Variants in LNX2 observed in about 807,000 individuals in gnomAD.
The protein encoded by LNX2 is ligand of numb-protein X 2, also known as ligand of Numb protein X 2.
Under a neutral mutation model 66.2 loss-of-function variants are expected in LNX2, and 35 were observed. The ratio of observed to expected loss-of-function variants is 0.53; its 90% CI spans 0.40 to 0.70. The LOEUF is 0.70. Ranked by LOEUF, LNX2 falls within the 30% of genes least tolerant of loss-of-function variation. The probability of loss-of-function intolerance (pLI) is 0.00; values close to 1 mark genes in which losing one functional copy is unlikely to be tolerated. For synonymous variants in LNX2, 337 were observed against 315.6 expected (o/e 1.07, Z -0.72); for missense variants, 791 against 850.8 (o/e 0.93, Z 0.87).
At chr13:27,613,410 T>C (rs1435994277) in intron 1 of LNX2, among the ~76,000 whole-genome samples, 1 of 152,050 alleles carries the variant, frequency 6.6e-6, no homozygotes, top group Non-Finnish European at 1.5e-5. Context: ...CTACAGGATA[T>C]GTAAGTTTTA....
chr13:27,579,155 TA>T (rs1955372812), intron 2 of LNX2, among the ~76,000 whole-genome samples: 1 of 152,210 alleles, frequency 6.6e-6, no homozygotes, highest in Admixed American at 6.5e-5. Context: ...ATTTGCTGAA[TA>T]AACAAATGAA....
intron 9 of LNX2, 124 bp from the exon 10 acceptor site, chr13:27,548,594 G>T: frequency 9.7e-7 from 1 of 1,032,788 alleles, no homozygotes; most frequent in Non-Finnish European, 1.4e-6. Context: ...TGGTTAGGGT[G>T]TATAATCTAC....
intron 1 of LNX2, among the ~76,000 whole-genome samples, chr13:27,613,390 G>A (rs571754013): frequency 3.1e-4 from 47 of 152,214 alleles, no homozygotes; most frequent in African/African-American, 7.0e-4. Flanking sequence ...GAGAAGAGAC[G>A]GAGGTCCAAC....
At chr13:27,571,071 G>T (rs1955273697) in intron 2 of LNX2, among the ~76,000 whole-genome samples, 1 of 152,186 alleles carries the variant, frequency 6.6e-6, no homozygotes, top group South Asian at 2.1e-4. Flanking sequence ...ATGACATCAT[G>T]TAAAAATACA....
intron 4 of LNX2, among the ~76,000 whole-genome samples, chr13:27,565,075 A>G (rs1430039253): frequency 6.6e-6 from 1 of 152,200 alleles, no homozygotes. Context: ...TTATTAGTAT[A>G]CAGGTTTCCA....
Position 27,553,248 on chromosome 13 carries a change from T to A in LNX2, c.1738A>T (p.Ser580Cys). The part of the protein sequence containing the change: ...STFSENEYDA[S>C]WSPSWVMWLG... ...CACATGACCCATGATGGGGACCAAC[T>A]GGCATCATACTCATTTTCGCTGAAA... Residue 580 changes from serine to cysteine, a missense_variant, in exon 8 of 10, where the codon AGT (serine) becomes TGT (cysteine). Physicochemically the swap from Ser to Cys is moderately radical, Grantham distance 112. Transcript: ENST00000316334. 6.2e-7 allele frequency: 1 copy of A among 1,614,150 alleles called. No individual in the cohort carries two copies. The highest frequency in any genetic ancestry group is 8.5e-7 in the Non-Finnish European group (1 of 1,180,026).
intron 2 of LNX2, among the ~76,000 whole-genome samples, chr13:27,576,486 G>A (rs1044881466): frequency 1.3e-5 from 2 of 151,842 alleles, no homozygotes; most frequent in Admixed American, 6.6e-5. Flanking sequence ...GGAGACCTAG[G>A]TGGAGGATCA....
chr13:27,563,738 T>C (rs1955170444), intron 4 of LNX2, among the ~76,000 whole-genome samples: 1 of 152,196 alleles, frequency 6.6e-6, no homozygotes, highest in Non-Finnish European at 1.5e-5. Context: ...TTACATCTTT[T>C]TCACACAAAT....
rs530700335 is a variant in LNX2, at chr13:27,590,442, C to T, written c.-100-8639G>A. ...CTATGTTGGTCAGGCTGGTCTCGAACCCCTGACCTCAAGTGATCTGCCCGC... is the reference window on the plus strand; with the variant it reads ...CTATGTTGGTCAGGCTGGTCTCGAATCCCTGACCTCAAGTGATCTGCCCGC... On this transcript the variant is annotated intron_variant, in intron 1 of 9. Coordinates refer to ENST00000316334, the MANE Select transcript of LNX2 (RefSeq NM_153371.4). Among the ~76,000 whole-genome samples the T allele has an allele frequency of 2.4e-4, 37 of 152,134 alleles. 2 individuals are homozygous for T. In the South Asian group the frequency reaches 7.0e-3, roughly 29 times the overall value.
At chr13:27,593,823 T>C (rs1169644672) in intron 1 of LNX2, among the ~76,000 whole-genome samples, 3 of 150,918 alleles carry the variant, frequency 2.0e-5, no homozygotes, top group East Asian at 2.0e-4. Context: ...TTCAAACTCC[T>C]GACCTCAAGC....
At chr13:27,556,090 A>C (rs987265073) in intron 7 of LNX2, 146 bp downstream of exon 7, 2 of 750,854 alleles carry the variant, frequency 2.7e-6, no homozygotes, top group African/African-American at 3.5e-5. Flanking sequence ...TCATAGAATG[A>C]CTTTATGCTT....
intron 1 of LNX2, among the ~76,000 whole-genome samples, chr13:27,618,838 C>T (rs2138500645): frequency 6.6e-6 from 1 of 152,324 alleles, no homozygotes; most frequent in African/African-American, 2.4e-5. Context: ...CTGCGTGCTA[C>T]GTGCCTACAA....
chr13:27,613,652 C>T (rs1955796873), intron 1 of LNX2, among the ~76,000 whole-genome samples: 1 of 152,076 alleles, frequency 6.6e-6, no homozygotes, highest in Admixed American at 6.6e-5. Flanking sequence ...CTTGTAATCC[C>T]AGCTATTGGG....
At chr13:27,571,813 T>C (rs1180512661) in intron 2 of LNX2, among the ~76,000 whole-genome samples, 1 of 152,144 alleles carries the variant, frequency 6.6e-6, no homozygotes, top group Non-Finnish European at 1.5e-5. Flanking sequence ...AAGCTGCAAA[T>C]ACTTGGAACT....
intron 5 of LNX2, among the ~76,000 whole-genome samples, chr13:27,560,825 T>C (rs946382679): frequency 6.6e-6 from 1 of 152,116 alleles, no homozygotes; most frequent in Non-Finnish European, 1.5e-5. Context: ...GAAAATATGA[T>C]AGCCTGCTTT....
intron 1 of LNX2, among the ~76,000 whole-genome samples, chr13:27,606,961 C>T (rs1056061830): frequency 6.6e-6 from 1 of 152,050 alleles, no homozygotes; most frequent in African/African-American, 2.4e-5. Context: ...GTTGCATGCC[C>T]AAGACAATGC....
In LNX2 at chr13:27,550,347, A is replaced by G; in HGVS notation, c.1923T>C (p.Tyr641=). 2 of 1,613,092 alleles carry G rather than the reference A, an allele frequency of 1.2e-6. No homozygotes were observed. Among genetic ancestry groups the G allele is most frequent in the Non-Finnish European group, 1.7e-6 (2 of 1,179,614 alleles). The change falls in exon 9 of 10, where the codon TAT becomes TAC. Residue 641 remains tyrosine, a synonymous_variant. Transcript: ENST00000316334. ...ACAAGACTCACTTTAATCTTCCATC[A>G]TAATAAGCAGGAGTTCCCAAGACAA... The part of the protein sequence containing the change: ...KTIVLGTPAY[Y]DGRLKCGDMI...
rs1372153523 is a variant in LNX2, at chr13:27,546,082, G to A, written c.*2253C>T. 2.0e-5 allele frequency: 3 copies of A among 152,154 alleles called. No homozygotes were observed. Among genetic ancestry groups the A allele is most frequent in the Non-Finnish European group, 4.4e-5 (3 of 68,020 alleles). The allele number at this position is 152,154 out of a possible 1,614,324, so 9.4% of individuals were successfully genotyped here. Reference sequence around the variant, plus strand: ...TAGTTCTATAGTAACAATAAATTATGAACAAGTTTCCGTCACCAAATATCA... The same window carrying A: ...TAGTTCTATAGTAACAATAAATTATAAACAAGTTTCCGTCACCAAATATCA... On this transcript the variant is annotated 3_prime_UTR_variant, in exon 10 of 10. Coordinates refer to ENST00000316334, the MANE Select transcript of LNX2 (RefSeq NM_153371.4).
In LNX2 at chr13:27,583,226, G is replaced by GCGCGCGCGTCCTCTCCTATATAAC. The variant is rs1311336975; in HGVS notation, c.-100-1424_-100-1423insGTTATATAGGAGAGGACGCGCGCG. On this transcript the variant is annotated intron_variant, in intron 1 of 9. Transcript: ENST00000316334. ...TGTGTGTGTGTGTGTGTGTGTGTGT[G>GCGCGCGCGTCCTCTCCTATATAAC]TGTGTGTGTGTGTGTGTGTGTGTGT... Among the ~76,000 whole-genome samples the GCGCGCGCGTCCTCTCCTATATAAC allele has an allele frequency of 6.7e-3, 198 of 29,504 alleles. 36 individuals carry two copies. Among genetic ancestry groups the GCGCGCGCGTCCTCTCCTATATAAC allele is most frequent in the African/African-American group, 0.029 (133 of 4,550 alleles). The allele number at this position is 29,504 out of a possible 152,430, so 19.4% of individuals were successfully genotyped here.
Sources: allele counts gnomAD v4.1 joint callset (sites outside exome capture counted in the v4.1 genomes callset), GRCh38; gene constraint gnomAD v4.1.1; transcripts MANE v1.5; gene names NCBI Gene and HGNC (gene_info 2026-07-23, HGNC 2026-07-21).